The following LSAMP variants were observed in gnomAD, a reference collection of about 807,000 sequenced individuals.
The protein encoded by LSAMP is limbic system-associated membrane protein.
A neutral mutation model predicts 38.6 loss-of-function variants in LSAMP; 7 were observed. The ratio of observed to expected loss-of-function variants is 0.18; its 90% CI spans 0.10 to 0.34. LSAMP has a LOEUF of 0.34. Ranked by LOEUF, LSAMP falls within the 10% of genes least tolerant of loss-of-function variation. LSAMP has a pLI of 1.00. For missense variants in LSAMP, 313 were observed against 420.0 expected, an observed-to-expected ratio of 0.75 and a Z score of 2.23; for synonymous variants, 154 against 166.8, an observed-to-expected ratio of 0.92 and a Z score of 0.59.
At chr3:116,425,988 C>T (rs1365027690) in intron 1 of LSAMP, among the ~76,000 whole-genome samples, 3 of 151,842 alleles carry the variant, frequency 2.0e-5, no homozygotes, top group Non-Finnish European at 4.4e-5. Context: ...CCTGATGGTG[C>T]CTTTAAATTG....
At chr3:115,918,089 C>G (rs1224865943) in intron 3 of LSAMP, among the ~76,000 whole-genome samples, 1 of 152,152 alleles carries the variant, frequency 6.6e-6, no homozygotes, top group Admixed American at 6.5e-5. Flanking sequence ...TATCTACTGA[C>G]CTCTCTGGCC....
At chr3:116,221,123 C>A (rs2046279159) in intron 1 of LSAMP, among the ~76,000 whole-genome samples, 1 of 114,136 alleles carries the variant, frequency 8.8e-6, no homozygotes, top group East Asian at 3.0e-4. Flanking sequence ...TGCACTCCAG[C>A]CTGTGTGACA....
At position 116,437,066 on chromosome 3, in the gene LSAMP, A is replaced by G. The variant is rs1193589813; in HGVS notation, c.155+7811T>C. On this transcript the variant is annotated intron_variant, in intron 1 of 6. Coordinates refer to ENST00000490035, the MANE Select transcript of LSAMP (RefSeq NM_002338.5). ...GTATATATATATATACACACACACAATGGAATACTAAGCCATAAAAAGGAA... is the reference window on the plus strand; with the variant it reads ...GTATATATATATATACACACACACAGTGGAATACTAAGCCATAAAAAGGAA... 3.3e-5 allele frequency among the ~76,000 whole-genome samples: 5 copies of G among 150,248 alleles called. No individual in the cohort carries two copies. The East Asian group carries it at 7.8e-4, about 23-fold the overall frequency.
At chr3:116,359,829 A>T (rs1298784021) in intron 1 of LSAMP, among the ~76,000 whole-genome samples, 1 of 152,218 alleles carries the variant, frequency 6.6e-6, no homozygotes, top group African/African-American at 2.4e-5. Context: ...AAAATAACTC[A>T]AGATGGATTA....
Position 115,806,281 on chromosome 3 carries a change from T to A in LSAMP, c.*4036A>T, listed in dbSNP as rs1225419049. ...AAAACATTATTCTTAATTTGTCTTATAATACATACATTATTGTAAATATAG... is the reference window on the plus strand; with the variant it reads ...AAAACATTATTCTTAATTTGTCTTAAAATACATACATTATTGTAAATATAG... On this transcript the variant is annotated 3_prime_UTR_variant, in exon 7 of 7. Coordinates refer to ENST00000490035, the MANE Select transcript of LSAMP (RefSeq NM_002338.5). 6.6e-6 allele frequency: 1 copy of A among 152,218 alleles called. No individual in the cohort carries two copies. Among genetic ancestry groups the A allele is most frequent in the Non-Finnish European group, 1.5e-5 (1 of 68,036 alleles). 9.4% of individuals were successfully genotyped at this position (152,218 alleles called of 1,614,324 possible). A position where few individuals can be genotyped will look rare whatever the true frequency, so the allele number is the denominator to read the frequency against.
At chr3:116,200,093 T>TAC (rs36216707) in intron 1 of LSAMP, among the ~76,000 whole-genome samples, 11,086 of 149,232 alleles carry the variant, frequency 0.074, 513 homozygotes, top group African/African-American at 0.15. Flanking sequence ...AGTCTTACTT[T>TAC]ACACACACAC....
intron 3 of LSAMP, among the ~76,000 whole-genome samples, chr3:115,927,045 A>T (rs1937511468): frequency 6.6e-6 from 1 of 152,232 alleles, no homozygotes; most frequent in Non-Finnish European, 1.5e-5. Flanking sequence ...TAATGAGAAG[A>T]TAAATGTATG....
rs1197019816 is a variant in LSAMP, at chr3:116,048,274, G to T, written c.389-28634C>A. Among the ~76,000 whole-genome samples, 9 of 152,278 alleles carry T rather than the reference G, an allele frequency of 5.9e-5. No homozygotes were observed. The East Asian group carries it at 1.7e-3, about 29-fold the overall frequency. ...CATATATATCTTGAATAACTTTGTT[G>T]TGTGTGTGCATTCTTTACATAAGTT... is the stretch of plus-strand genomic sequence containing the variant. On this transcript the variant is annotated intron_variant, in intron 2 of 6. Coordinates refer to ENST00000490035, the MANE Select transcript of LSAMP (RefSeq NM_002338.5).
chr3:115,980,904 G>GT (rs907273234), intron 3 of LSAMP, among the ~76,000 whole-genome samples: 2 of 152,090 alleles, frequency 1.3e-5, no homozygotes, highest in African/African-American at 2.4e-5. Context: ...ACCTCGCTAT[G>GT]TTTTTTTAAC....
intron 1 of LSAMP, among the ~76,000 whole-genome samples, chr3:116,309,783 G>A (rs561349935): frequency 7.9e-5 from 12 of 152,264 alleles, no homozygotes; most frequent in Non-Finnish European, 1.6e-4. Flanking sequence ...GTGATTGGAT[G>A]ATGAAAATGC....
At chr3:116,170,892 TG>T (rs1710181382) in intron 1 of LSAMP, among the ~76,000 whole-genome samples, 1 of 152,152 alleles carries the variant, frequency 6.6e-6, no homozygotes, top group Non-Finnish European at 1.5e-5. Flanking sequence ...CTGTGGTTCC[TG>T]GCTCTTCTTT....
intron 3 of LSAMP, among the ~76,000 whole-genome samples, chr3:115,910,271 A>G (rs557552901): frequency 3.9e-5 from 6 of 152,330 alleles, no homozygotes; most frequent in African/African-American, 1.4e-4. Context: ...AGTTATGCAA[A>G]TATTTGCTCC....
chr3:115,826,533 G>T (rs4621324), intron 6 of LSAMP, among the ~76,000 whole-genome samples: 12,902 of 152,178 alleles, frequency 0.085, 661 homozygotes, highest in African/African-American at 0.14. Context: ...AAAGTTTACT[G>T]TGGTTGCTTA....
At chr3:116,313,235 G>A (rs2047582459) in intron 1 of LSAMP, among the ~76,000 whole-genome samples, 1 of 152,186 alleles carries the variant, frequency 6.6e-6, no homozygotes, top group South Asian at 2.1e-4. Context: ...ACACTCGGCA[G>A]TACTCTGTTG....
In LSAMP at chr3:115,815,866, G is replaced by C. The variant is rs531896303; in HGVS notation, c.920-5452C>G. ...TGTTGCCTTCAGTGAGGACCTTCTA[G>C]CACTGGCCATAAATACGGTGCTGGC... is the stretch of plus-strand genomic sequence containing the variant. On this transcript the variant is annotated intron_variant, in intron 6 of 6. Transcript: ENST00000490035. Among the ~76,000 whole-genome samples, 4 of 152,230 alleles carry C rather than the reference G, an allele frequency of 2.6e-5. No individual in the cohort carries two copies. In the South Asian group the frequency reaches 8.3e-4, roughly 32 times the overall value.
chr3:116,376,191 C>T (rs894835176), intron 1 of LSAMP, among the ~76,000 whole-genome samples: 2 of 152,002 alleles, frequency 1.3e-5, no homozygotes, highest in African/African-American at 4.8e-5. Context: ...AAGGAATGCT[C>T]TTTGAATTCT....
chr3:116,205,228 C>T (rs1474447680), intron 1 of LSAMP, among the ~76,000 whole-genome samples: 1 of 148,898 alleles, frequency 6.7e-6, no homozygotes, highest in Non-Finnish European at 1.5e-5. Context: ...TATAAGAATG[C>T]TTGTGATTTT....
chr3:116,275,310 C>A (rs894558773), intron 1 of LSAMP, among the ~76,000 whole-genome samples: 2 of 152,092 alleles, frequency 1.3e-5, no homozygotes, highest in Non-Finnish European at 2.9e-5. Context: ...TCCTTGGCCT[C>A]CCAAAGTACT....
chr3:115,977,743 AAAAAAT>A (rs1320932867), intron 3 of LSAMP, among the ~76,000 whole-genome samples: 1 of 152,060 alleles, frequency 6.6e-6, no homozygotes, highest in Non-Finnish European at 1.5e-5. Context: ...AAAAAAAAAA[AAAAAAT>A]CTTTGTCTTT....
Sources: allele counts gnomAD v4.1 joint callset (sites outside exome capture counted in the v4.1 genomes callset), GRCh38; gene constraint gnomAD v4.1.1; transcripts MANE v1.5; gene names NCBI Gene and HGNC (gene_info 2026-07-23, HGNC 2026-07-21).